The following ITGB3BP variants were observed in gnomAD, a reference collection of about 807,000 sequenced individuals.
ITGB3BP encodes the protein integrin subunit beta 3 binding protein, also known as centromere protein R.
Under a neutral mutation model 29.1 loss-of-function variants are expected in ITGB3BP, and 27 were observed. The ratio of observed to expected loss-of-function variants is 0.93; its 90% CI spans 0.68 to 1.28. ITGB3BP has a LOEUF of 1.28. ITGB3BP is among the 50% of genes most tolerant of loss of function. ITGB3BP has a pLI of 0.00. For synonymous variants in ITGB3BP, 61 were observed against 61.4 expected (o/e 0.99, Z 0.03); for missense variants, 192 against 200.2 (o/e 0.96, Z 0.25).
chr1:63,518,984 C>A (rs1280476361), intron 1 of ITGB3BP, among the ~76,000 whole-genome samples: 6 of 151,968 alleles, frequency 3.9e-5, no homozygotes, highest in Non-Finnish European at 8.8e-5. Flanking sequence ...AAGAATCTTG[C>A]AACATTATAG....
chr1:63,448,072 T>G (rs1196580349), intron 7 of ITGB3BP, among the ~76,000 whole-genome samples: 1 of 149,552 alleles, frequency 6.7e-6, no homozygotes, highest in Non-Finnish European at 1.5e-5. Flanking sequence ...AGTAAACTAT[T>G]GCAAGGACAA....
At chr1:63,523,346 C>T (rs1293533909), upstream of ITGB3BP, 2 of 630,648 alleles carry the variant, frequency 3.2e-6, no homozygotes, top group African/African-American at 3.7e-5. Context: ...AGGCCCAGGA[C>T]AGCACCTATT....
chr1:63,488,005 T>G (rs1011345456), intron 3 of ITGB3BP, among the ~76,000 whole-genome samples: 40 of 152,136 alleles, frequency 2.6e-4, no homozygotes, highest in Admixed American at 9.2e-4. Flanking sequence ...CATGAACGCA[T>G]CTGTTAAATG....
At chr1:63,493,462 T>C (rs1446432497) in intron 2 of ITGB3BP, among the ~76,000 whole-genome samples, 1 of 150,846 alleles carries the variant, frequency 6.6e-6, no homozygotes, top group African/African-American at 2.4e-5. Context: ...ACAAACCTGC[T>C]TGTAATAATT....
At chr1:63,446,738 G>A (rs1178505959) in intron 8 of ITGB3BP, 68 bp downstream of exon 8, 24 of 1,083,072 alleles carry the variant, frequency 2.2e-5, no homozygotes, top group Non-Finnish European at 3.2e-5. Context: ...TAAATAAAAT[G>A]TTTCCACCTG....
At chr1:63,464,686 G>GA (rs1160835423) in intron 4 of ITGB3BP, among the ~76,000 whole-genome samples, 2 of 152,076 alleles carry the variant, frequency 1.3e-5, no homozygotes, top group Non-Finnish European at 2.9e-5. Flanking sequence ...ATTACAAAGG[G>GA]AAAATGATTA....
chr1:63,449,815 T>C (rs1481574572), intron 7 of ITGB3BP: 1 of 154,536 alleles, frequency 6.5e-6, no homozygotes, highest in Non-Finnish European at 1.5e-5. Flanking sequence ...AATTGAAGTA[T>C]CTGTTTGAAA....
Position 63,491,778 on chromosome 1 carries a change from C to T in ITGB3BP, c.49-1560G>A, listed in dbSNP as rs146280085. On this transcript the variant is annotated intron_variant, in intron 2 of 8. Coordinates refer to ENST00000271002, the MANE Select transcript of ITGB3BP (RefSeq NM_014288.5). ...TATGTATCCATAGTGGCCACAAATG[C>T]GATGAATATCTTTTAAAAAATCAAA... is the stretch of plus-strand genomic sequence containing the variant. Among the ~76,000 whole-genome samples, 20 of 152,082 alleles carry T rather than the reference C, an allele frequency of 1.3e-4. No homozygotes were observed. The East Asian group carries it at 2.3e-3, about 18-fold the overall frequency.
intron 4 of ITGB3BP, 115 bp downstream of exon 4, chr1:63,478,649 G>T: frequency 1.8e-6 from 1 of 557,342 alleles, no homozygotes; most frequent in East Asian, 3.5e-5. Context: ...GAATATTTCA[G>T]GTCAGGTATA....
At chr1:63,502,731 T>C (rs1008552433) in intron 2 of ITGB3BP, among the ~76,000 whole-genome samples, 2 of 143,916 alleles carry the variant, frequency 1.4e-5, no homozygotes, top group African/African-American at 5.1e-5. Flanking sequence ...GTTCTCGTTG[T>C]TCAATTCCCA....
chr1:63,521,789 G>GA (rs369817850), intron 1 of ITGB3BP, among the ~76,000 whole-genome samples: 19 of 151,022 alleles, frequency 1.3e-4, no homozygotes, highest in Admixed American at 2.0e-4. Context: ...CTCAAAAAAA[G>GA]AAAAAAAAAG....
chr1:63,503,301 C>T (rs1368809252), intron 2 of ITGB3BP, among the ~76,000 whole-genome samples: 1 of 152,164 alleles, frequency 6.6e-6, no homozygotes, highest in Non-Finnish European at 1.5e-5. Context: ...CTTTTGGCTG[C>T]ATAAATGTCT....
At chr1:63,512,986 G>A (rs191397329) in intron 1 of ITGB3BP, among the ~76,000 whole-genome samples, 102 of 151,994 alleles carry the variant, frequency 6.7e-4, no homozygotes, top group African/African-American at 2.4e-3. Context: ...CCTCAATTTG[G>A]GCCTATCTGA....
At chr1:63,485,389 C>T (rs1264170078) in intron 3 of ITGB3BP, among the ~76,000 whole-genome samples, 1 of 151,672 alleles carries the variant, frequency 6.6e-6, no homozygotes, top group African/African-American at 2.4e-5. Flanking sequence ...GCCTCCTCAC[C>T]TTCCATGATA....
chr1:63,527,868 A>C (rs1444585875), upstream of ITGB3BP: 1 of 152,198 alleles, frequency 6.6e-6, no homozygotes, highest in African/African-American at 2.4e-5. Flanking sequence ...TTGTGAGAAA[A>C]AGTTACATAC....
At chr1:63,473,161 G>A (rs1645240776) in intron 4 of ITGB3BP, among the ~76,000 whole-genome samples, 2 of 151,326 alleles carry the variant, frequency 1.3e-5, no homozygotes, top group Non-Finnish European at 2.9e-5. Context: ...CCTCTGCTGG[G>A]CCGCAACCCT....
intron 4 of ITGB3BP, among the ~76,000 whole-genome samples, chr1:63,460,965 C>T (rs116144052): frequency 0.01 from 1,591 of 151,638 alleles, 12 homozygotes; most frequent in Non-Finnish European, 0.016. Context: ...CAAGGCCTGG[C>T]GCCGTGGCTC....
intron 4 of ITGB3BP, among the ~76,000 whole-genome samples, chr1:63,455,858 T>A (rs746448531): frequency 6.8e-6 from 1 of 147,028 alleles, no homozygotes; most frequent in South Asian, 2.3e-4. Context: ...CTAAAAGGAA[T>A]AAAAAGGTAA....
intron 4 of ITGB3BP, among the ~76,000 whole-genome samples, chr1:63,472,519 G>C (rs891576087): frequency 8.0e-5 from 11 of 136,704 alleles, no homozygotes; most frequent in East Asian, 2.3e-4. Flanking sequence ...CTCTGATGCC[G>C]AGCCAAAGGT....
Sources: gnomAD v4.1 joint callset for allele counts (sites outside exome capture counted in the v4.1 genomes callset) on GRCh38, gnomAD v4.1.1 for gene constraint, MANE v1.5 for transcripts, NCBI Gene and HGNC (gene_info 2026-07-23, HGNC 2026-07-21) for gene names.